The following FRS2 variants were observed in gnomAD, a reference collection of about 807,000 sequenced individuals.
The protein encoded by FRS2 is fibroblast growth factor receptor substrate 2, also known as FGFR signalling adaptor.
In FRS2, 8 loss-of-function variants were observed where a neutral mutation model predicts 43.9. The ratio of observed to expected loss-of-function variants is 0.18; its 90% CI spans 0.11 to 0.33. The LOEUF is 0.33. Ranked by LOEUF, FRS2 falls within the 10% of genes least tolerant of loss-of-function variation. FRS2 has a pLI of 1.00. For missense variants in FRS2, 534 were observed against 627.6 expected (o/e 0.85, Z 1.59); for synonymous variants, 219 against 220.3 (o/e 0.99, Z 0.05).
chr12:69,513,837 A>G (rs1042743587), intron 1 of FRS2, among the ~76,000 whole-genome samples: 2 of 151,852 alleles, frequency 1.3e-5, no homozygotes, highest in Non-Finnish European at 2.9e-5. Flanking sequence ...AATGAAAGCT[A>G]CTCCTTGGAT....
rs917077022 is a variant in FRS2 at position 69,578,800 on chromosome 12, A to T, written c.*3845A>T. ...TAGCAACTTTGTATAAAGGTAGCTT[A>T]TTAGATTTTTAATTTTTTCTTTTAT... On this transcript the variant is annotated 3_prime_UTR_variant, in exon 9 of 9. Coordinates refer to ENST00000549921, the MANE Select transcript of FRS2 (RefSeq NM_001278356.2). The T allele has an allele frequency of 1.3e-5, 2 of 152,650 alleles. No individual in the cohort carries two copies. Among genetic ancestry groups the T allele is most frequent in the Admixed American group, 1.3e-4 (2 of 15,282 alleles). The allele number at this position is 152,650 out of a possible 1,614,324, so 9.5% of individuals were successfully genotyped here.
At chr12:69,498,827 C>T (rs1030087449) in intron 1 of FRS2, among the ~76,000 whole-genome samples, 1 of 152,168 alleles carries the variant, frequency 6.6e-6, no homozygotes, top group South Asian at 2.1e-4. Flanking sequence ...AGTGGGCAAA[C>T]CAGCCTTGAG....
At position 69,513,151 on chromosome 12, in the gene FRS2, G is replaced by T. The variant is rs199558602; in HGVS notation, c.-260-17714G>T. ...AAATCTCTGGCAAAGTTTGGAGTTT[G>T]TTTTTTTTTTTTGACCTTTTAATAC... On this transcript the variant is annotated intron_variant, in intron 1 of 8. Coordinates refer to ENST00000549921, the MANE Select transcript of FRS2 (RefSeq NM_001278356.2). 8.8e-5 allele frequency among the ~76,000 whole-genome samples: 13 copies of T among 147,086 alleles called. 1 individual carries two copies. The highest frequency in any genetic ancestry group is 2.1e-4 in the South Asian group (1 of 4,724).
intron 1 of FRS2, among the ~76,000 whole-genome samples, chr12:69,500,879 A>C (rs981116415): frequency 1.1e-4 from 17 of 152,306 alleles, no homozygotes; most frequent in Admixed American, 1.0e-3. Context: ...GGAGGAATGA[A>C]TGTATTAATG....
rs754698879 is a variant in FRS2 at position 69,571,367 on chromosome 12, G to T, written c.345G>T (p.Glu115Asp). ...ATAATAGTATAAATGTGGTGGAAGA[G>T]CCAGTTGTAGAAAGAAATAATCATC... Reference protein sequence around the residue: ...MQNNSINVVEEPVVERNNHQT... With the variant: ...MQNNSINVVEDPVVERNNHQT... Residue 115 changes from glutamate (E) to aspartate (D), a missense_variant, in exon 7 of 9, where the codon GAG (glutamate) becomes GAT (aspartate). Physicochemically the swap from Glu to Asp is conservative, Grantham distance 45. This residue lies in a region of FRS2 where 446 missense variants were observed against 494.2 expected (regional missense o/e 0.90). Coordinates refer to ENST00000549921, the MANE Select transcript of FRS2 (RefSeq NM_001278356.2). The T allele has an allele frequency of 1.9e-6, 3 of 1,612,076 alleles. No homozygotes were observed. The South Asian group carries it at 3.3e-5, about 18-fold the overall frequency.
At chr12:69,539,335 A>G (rs1877649940) in intron 3 of FRS2, among the ~76,000 whole-genome samples, 1 of 152,188 alleles carries the variant, frequency 6.6e-6, no homozygotes, top group Admixed American at 6.5e-5. Context: ...TTGGCCTCCC[A>G]AAGTGCTGGG....
In FRS2 at chr12:69,538,356, A is replaced by G. The variant is rs556956696; in HGVS notation, c.-122+6300A>G. ...CTTGATCCATTTCAAATAACATACA[A>G]CTTACGTAAGGTTTGTATGAGAAAC... On this transcript the variant is annotated intron_variant, in intron 3 of 8. Transcript: ENST00000549921. Among the ~76,000 whole-genome samples the G allele has an allele frequency of 2.6e-3, 388 of 151,188 alleles. 4 individuals are homozygous for G. The highest frequency in any genetic ancestry group is 9.2e-3 in the African/African-American group (379 of 41,148).
chr12:69,497,914 A>G (rs527322252), intron 1 of FRS2, among the ~76,000 whole-genome samples: 3 of 152,328 alleles, frequency 2.0e-5, no homozygotes, highest in East Asian at 3.9e-4. Context: ...GTGTTCCACT[A>G]GTAGATGTTT....
chr12:69,568,924 A>C lies in FRS2; in HGVS notation c.-26-81A>C, dbSNP rs1254135543. The C allele has an allele frequency of 6.4e-6, 4 of 624,882 alleles. No homozygotes were observed. The African/African-American group carries it at 7.5e-5, about 12-fold the overall frequency. The allele number at this position is 624,882 out of a possible 1,614,324, so 38.7% of individuals were successfully genotyped here. On this transcript the variant is annotated intron_variant, in intron 4 of 8. Coordinates refer to ENST00000549921, the MANE Select transcript of FRS2 (RefSeq NM_001278356.2). ...TCTGCATCAGAATAATGTTTGTGTT[A>C]GATGATTTCTAAAGTCTTTTTCTGT...
chr12:69,531,629 T>C (rs1016364674), intron 2 of FRS2, among the ~76,000 whole-genome samples: 3 of 151,396 alleles, frequency 2.0e-5, no homozygotes, highest in Non-Finnish European at 4.4e-5. Context: ...AAAAACACTG[T>C]TCAAAGAAAT....
At chr12:69,563,369 C>G (rs1880023797) in intron 4 of FRS2, among the ~76,000 whole-genome samples, 1 of 152,220 alleles carries the variant, frequency 6.6e-6, no homozygotes, top group African/African-American at 2.4e-5. Flanking sequence ...GTCTATCCCT[C>G]ACTCATGCTA....
chr12:69,561,640 C>T (rs1879886394), intron 3 of FRS2, among the ~76,000 whole-genome samples: 1 of 152,096 alleles, frequency 6.6e-6, no homozygotes, highest in African/African-American at 2.4e-5. Flanking sequence ...CATGCTTGTT[C>T]ATACTGTTGA....
In FRS2 at chr12:69,577,108, C is replaced by T. The variant is rs1881244247; in HGVS notation, c.*2153C>T. The T allele has an allele frequency of 6.6e-6, 1 of 152,242 alleles. No homozygotes were observed. The highest frequency in any genetic ancestry group is 1.5e-5 in the Non-Finnish European group (1 of 67,990). The allele number at this position is 152,242 out of a possible 1,614,324, so 9.4% of individuals were successfully genotyped here. ...TTGGAGGTTGGGTACTTTATTCTTT[C>T]TTTCCGTCATCCTTTTCATTGTTTC... On this transcript the variant is annotated 3_prime_UTR_variant, in exon 9 of 9. Coordinates refer to ENST00000549921, the MANE Select transcript of FRS2 (RefSeq NM_001278356.2).
chr12:69,485,269 G>A (rs1384739450), intron 1 of FRS2, among the ~76,000 whole-genome samples: 5 of 151,242 alleles, frequency 3.3e-5, no homozygotes, highest in Non-Finnish European at 5.9e-5. Flanking sequence ...TGAAAGCTCC[G>A]CTTCCCAGGT....
intron 3 of FRS2, among the ~76,000 whole-genome samples, chr12:69,534,221 G>C (rs992310756): frequency 6.6e-6 from 1 of 152,140 alleles, no homozygotes; most frequent in African/African-American, 2.4e-5. Context: ...AACTGAGGTT[G>C]AACGTAATAC....
At position 69,523,937 on chromosome 12, in the gene FRS2, C is replaced by T. The variant is rs180903732; in HGVS notation, c.-260-6928C>T. 4.0e-3 allele frequency among the ~76,000 whole-genome samples: 613 copies of T among 152,354 alleles called. 6 individuals carry two copies. The highest frequency in any genetic ancestry group is 0.014 in the African/African-American group (595 of 41,584). On this transcript the variant is annotated intron_variant, in intron 1 of 8. Transcript: ENST00000549921. ...CACTTCATAGGGTGATAGCAGCAGG[C>T]TTGGTCCTTGTACTCGTTTGCACGT...
chr12:69,561,034 A>G lies in FRS2; in HGVS notation c.-121-1146A>G, dbSNP rs532175606. 1.4e-4 allele frequency among the ~76,000 whole-genome samples: 22 copies of G among 152,286 alleles called. No individual in the cohort carries two copies. The South Asian group carries it at 2.1e-3, about 14-fold the overall frequency. On this transcript the variant is annotated intron_variant, in intron 3 of 8. Transcript: ENST00000549921. ...GAGATATTTCTGACTTAATTGGCCA[A>G]AGTCCCCTAGAATACATTTTAAAAG...
At chr12:69,499,602 T>A (rs1216597711) in intron 1 of FRS2, among the ~76,000 whole-genome samples, 1 of 152,146 alleles carries the variant, frequency 6.6e-6, no homozygotes, top group African/African-American at 2.4e-5. Context: ...TGAAAGTTTT[T>A]AAGAAACAAC....
chr12:69,493,491 C>A (rs573727924), intron 1 of FRS2, among the ~76,000 whole-genome samples: 1 of 152,192 alleles, frequency 6.6e-6, no homozygotes, highest in Non-Finnish European at 1.5e-5. Context: ...AAGGCCAAGG[C>A]GGGTGGATCA....
Sources: gnomAD v4.1 joint callset for allele counts (sites outside exome capture counted in the v4.1 genomes callset) on GRCh38, gnomAD v4.1.1 for gene constraint, gnomAD v4.1.1 regional missense constraint, MANE v1.5 for transcripts, NCBI Gene and HGNC (gene_info 2026-07-23, HGNC 2026-07-21) for gene names.